Variants in ZEB2 observed in about 807,000 individuals in gnomAD.
ZEB2 encodes the protein zinc finger E-box-binding homeobox 2.
A neutral mutation model predicts 99.9 loss-of-function variants in ZEB2; 6 were observed. The ratio of observed to expected loss-of-function variants is 0.06; its 90% CI spans 0.03 to 0.12. The LOEUF is 0.12. ZEB2 is among the 10% of genes least tolerant of loss of function. ZEB2 has a pLI of 1.00. For missense variants in ZEB2, 969 were observed against 1,502.8 expected, an observed-to-expected ratio of 0.64 and a Z score of 5.87; for synonymous variants, 517 against 542.5, an observed-to-expected ratio of 0.95 and a Z score of 0.65.
At chr2:144,460,085 A>G (rs1217265411) in intron 2 of ZEB2, among the ~76,000 whole-genome samples, 1 of 152,196 alleles carries the variant, frequency 6.6e-6, no homozygotes, top group African/African-American at 2.4e-5. Flanking sequence ...ATCCTGAACA[A>G]GGTTGCTATG....
At chr2:144,476,202 C>T (rs529968408) in intron 2 of ZEB2, among the ~76,000 whole-genome samples, 27 of 151,800 alleles carry the variant, frequency 1.8e-4, no homozygotes, top group African/African-American at 5.8e-4. Flanking sequence ...TTCTCATTTG[C>T]GCCATTTGAT....
At position 144,387,979 on chromosome 2, in the gene ZEB2, AAACTCTCTAAAAGTACAG is replaced by A. The variant is rs1703107255; in HGVS notation, c.*1454_*1471del. 6.6e-6 allele frequency: 1 copy of A among 152,652 alleles called. No individual in the cohort carries two copies. The allele number at this position is 152,652 out of a possible 1,614,324, so 9.5% of individuals were successfully genotyped here. Reference sequence around the variant, plus strand: ...TTACATGTTAATGGTCATTGAAGGAAAACTCTCTAAAAGTACAGAACTCATTAACTACATTCTTAGTTT... The same window carrying A: ...TTACATGTTAATGGTCATTGAAGGAAAACTCATTAACTACATTCTTAGTTT... On this transcript the variant is annotated 3_prime_UTR_variant, in exon 10 of 10. Coordinates refer to ENST00000627532, the MANE Select transcript of ZEB2 (RefSeq NM_014795.4).
intron 2 of ZEB2, among the ~76,000 whole-genome samples, chr2:144,451,521 G>T (rs745756892): frequency 2.4e-4 from 37 of 152,122 alleles, no homozygotes; most frequent in Non-Finnish European, 4.1e-4. Context: ...ATTTGAAGGT[G>T]TACTAGGAAA....
At chr2:144,511,688 A>G (rs1168393968) in intron 2 of ZEB2, 1 of 1,286,930 alleles carries the variant, frequency 7.8e-7, no homozygotes, top group Non-Finnish European at 1.0e-6. Context: ...TATATACAAA[A>G]TTCACAAATC....
chr2:144,450,556 AATTAGTAC>A (rs1290102297), intron 2 of ZEB2: 1 of 152,180 alleles, frequency 6.6e-6, no homozygotes, highest in African/African-American at 2.4e-5. Flanking sequence ...ATACCACTGG[AATTAGTAC>A]AACAAACAAA....
At chr2:144,466,561 T>C (rs994355799) in intron 2 of ZEB2, among the ~76,000 whole-genome samples, 13 of 152,200 alleles carry the variant, frequency 8.5e-5, no homozygotes, top group African/African-American at 3.1e-4. Context: ...ACCAAGAATT[T>C]ACTCAGCTTC....
intron 2 of ZEB2, among the ~76,000 whole-genome samples, chr2:144,456,162 T>C (rs1240779094): frequency 2.0e-5 from 3 of 152,168 alleles, no homozygotes; most frequent in Non-Finnish European, 4.4e-5. Context: ...TGGAATCAGC[T>C]GAGGATACAG....
At chr2:144,405,972 C>T (rs1280186693) in intron 4 of ZEB2, among the ~76,000 whole-genome samples, 2 of 152,034 alleles carry the variant, frequency 1.3e-5, no homozygotes, top group African/African-American at 4.8e-5. Context: ...TATTCTTTAT[C>T]CTAAGTAGGT....
intron 2 of ZEB2, chr2:144,507,302 C>T (rs1198636558): frequency 1.3e-5 from 2 of 151,810 alleles, no homozygotes; most frequent in African/African-American, 2.4e-5. Flanking sequence ...ACATTTAATC[C>T]CACAGATTAT....
In ZEB2 at chr2:144,497,891, A is replaced by AT. The variant is rs1340174860; in HGVS notation, c.73+19386dup. On this transcript the variant is annotated intron_variant, in intron 2 of 9. Coordinates refer to ENST00000627532, the MANE Select transcript of ZEB2 (RefSeq NM_014795.4). ...TATATGTCATTCTCAACATATATAT[A>AT]TATGTCATTCTCAACATATATATTA... is the stretch of plus-strand genomic sequence containing the variant. 5 of 5,722 alleles carry AT rather than the reference A, an allele frequency of 8.7e-4. 1 individual carries two copies. The highest frequency in any genetic ancestry group is 2.9e-3 in the African/African-American group (5 of 1,704). The allele number at this position is 5,722 out of a possible 1,614,324, so 0.4% of individuals were successfully genotyped here. A position where few individuals can be genotyped will look rare whatever the true frequency, so the allele number is the denominator to read the frequency against.
At chr2:144,411,875 T>C (rs1172162294) in intron 4 of ZEB2, among the ~76,000 whole-genome samples, 2 of 152,206 alleles carry the variant, frequency 1.3e-5, no homozygotes, top group Non-Finnish European at 2.9e-5. Context: ...AGATCTTACA[T>C]TAGGGGATTT....
At chr2:144,489,997 T>C (rs1295359438) in intron 2 of ZEB2, among the ~76,000 whole-genome samples, 2 of 152,228 alleles carry the variant, frequency 1.3e-5, no homozygotes, top group African/African-American at 2.4e-5. Context: ...TTGCCTCTTG[T>C]TGCTTTCTGG....
chr2:144,414,461 A>G (rs1345019877), intron 4 of ZEB2, among the ~76,000 whole-genome samples: 7 of 152,044 alleles, frequency 4.6e-5, no homozygotes, highest in Non-Finnish European at 1.0e-4. Flanking sequence ...GGCCCTGTGT[A>G]TGTTATCGTG....
At chr2:144,411,373 T>C (rs1349608280) in intron 4 of ZEB2, among the ~76,000 whole-genome samples, 1 of 152,078 alleles carries the variant, frequency 6.6e-6, no homozygotes, top group Non-Finnish European at 1.5e-5. Context: ...TTGAGTTTTT[T>C]AGTTTAAGGA....
At chr2:144,495,149 T>C (rs1249090589) in intron 2 of ZEB2, 1 of 152,212 alleles carries the variant, frequency 6.6e-6, no homozygotes. Flanking sequence ...TGCAGGTTTA[T>C]CACATTTTTT....
chr2:144,424,934 G>A (rs1161463429), intron 3 of ZEB2, 67 bp from the exon 4 acceptor site: 3 of 1,510,528 alleles, frequency 2.0e-6, no homozygotes, highest in Non-Finnish European at 2.8e-6. Flanking sequence ...AGCATGCCAA[G>A]CACAGGAACA....
In ZEB2 at chr2:144,387,335, GT is replaced by G. The variant is rs767629274; in HGVS notation, c.*2115del. The stretch of plus-strand genomic sequence containing the variant: ...TTTGATAAGGTAATCTGTTTTTTCT[GT>G]TATTCTTCACTTGGCAATTAGATTT... On this transcript the variant is annotated 3_prime_UTR_variant, in exon 10 of 10. Transcript: ENST00000627532. 2 of 151,848 alleles carry G rather than the reference GT, an allele frequency of 1.3e-5. No individual in the cohort carries two copies. The highest frequency in any genetic ancestry group is 2.4e-5 in the African/African-American group (1 of 41,354). 9.4% of individuals were successfully genotyped at this position (151,848 alleles called of 1,614,324 possible). A position where few individuals can be genotyped will look rare whatever the true frequency, so the allele number is the denominator to read the frequency against.
intron 2 of ZEB2, among the ~76,000 whole-genome samples, chr2:144,481,326 G>T (rs1403402050): frequency 6.6e-6 from 1 of 152,166 alleles, no homozygotes; most frequent in Non-Finnish European, 1.5e-5. Context: ...TGTGGCCCGA[G>T]CACATGGCCC....
intron 2 of ZEB2, among the ~76,000 whole-genome samples, chr2:144,500,854 G>A (rs1191270453): frequency 6.6e-6 from 1 of 152,130 alleles, no homozygotes; most frequent in Admixed American, 6.5e-5. Context: ...ATAAAGAGTT[G>A]CTGCTTTGGA....
Sources: allele counts gnomAD v4.1 joint callset (sites outside exome capture counted in the v4.1 genomes callset), GRCh38; gene constraint gnomAD v4.1.1; transcripts MANE v1.5; gene names NCBI Gene and HGNC (gene_info 2026-07-23, HGNC 2026-07-21).